Variants in BACH2 observed in about 807,000 individuals in gnomAD.
BACH2 encodes the protein BACH transcriptional regulator 2, also known as transcription regulator protein BACH2.
Under a neutral mutation model 61.8 loss-of-function variants are expected in BACH2, and 5 were observed. That is an observed-to-expected ratio of 0.08 (90% CI 0.04 to 0.17). The LOEUF is 0.17. Among genes scored for constraint, BACH2 ranks in the 10% least tolerant of loss-of-function variants. The pLI, the probability that BACH2 is intolerant of heterozygous loss-of-function variation, is 1.00. For synonymous variants in BACH2, 446 were observed against 440.1 expected (o/e 1.01, Z -0.17); for missense variants, 824 against 1,091.1 (o/e 0.76, Z 3.45).
Position 90,251,480 on chromosome 6 carries a change from C to A in BACH2, c.-275+1033G>T, listed in dbSNP as rs1013416144. 1.5e-5 allele frequency among the ~76,000 whole-genome samples: 2 copies of A among 134,362 alleles called. 1 individual carries two copies. The highest frequency in any genetic ancestry group is 3.5e-5 in the Non-Finnish European group (2 of 56,520). 88.1% of individuals were successfully genotyped at this position (134,362 alleles called of 152,430 possible). On this transcript the variant is annotated intron_variant, in intron 3 of 8. Coordinates refer to ENST00000257749, the MANE Select transcript of BACH2 (RefSeq NM_021813.4). ...ATGATATAGAAACATTTAAAAATAG[C>A]CACTCAGTACTCTGAAAACCATTAG...
Position 90,129,932 on chromosome 6 carries a change from C to T in BACH2, c.-161-40823G>A, listed in dbSNP as rs370484199. 3.9e-5 allele frequency among the ~76,000 whole-genome samples: 6 copies of T among 152,126 alleles called. No individual in the cohort carries two copies. The East Asian group carries it at 5.8e-4, about 15-fold the overall frequency. The stretch of plus-strand genomic sequence containing the variant: ...TCACCCAGTCTGGAATGCAGTGGCG[C>T]GATCTCAGCTCACTGCAACCTCCAC... On this transcript the variant is annotated intron_variant, in intron 4 of 8. Coordinates refer to ENST00000257749, the MANE Select transcript of BACH2 (RefSeq NM_021813.4).
At chr6:90,116,598 C>G (rs1783410742) in intron 4 of BACH2, 1 of 210,316 alleles carries the variant, frequency 4.8e-6, no homozygotes, top group African/African-American at 2.4e-5. Context: ...TCACATTTAC[C>G]CCCAAACCTA....
intron 8 of BACH2, among the ~76,000 whole-genome samples, chr6:89,934,626 T>C (rs1274473546): frequency 6.6e-6 from 1 of 151,722 alleles, no homozygotes; most frequent in Non-Finnish European, 1.5e-5. Flanking sequence ...ACCACTGCAC[T>C]CCAGTCTGGG....
chr6:90,255,343 T>C (rs548881880), intron 2 of BACH2, among the ~76,000 whole-genome samples: 1 of 152,306 alleles, frequency 6.6e-6, no homozygotes, highest in South Asian at 2.1e-4. Flanking sequence ...AAGTAAGTAC[T>C]AGGAAGTCAC....
intron 4 of BACH2, among the ~76,000 whole-genome samples, chr6:90,143,057 A>G (rs1171534120): frequency 6.6e-6 from 1 of 152,206 alleles, no homozygotes; most frequent in Non-Finnish European, 1.5e-5. Flanking sequence ...TCATTTATCC[A>G]CTATCCTCCA....
intron 5 of BACH2, among the ~76,000 whole-genome samples, chr6:90,028,775 G>A (rs1415712399): frequency 1.3e-5 from 2 of 152,216 alleles, no homozygotes; most frequent in African/African-American, 4.8e-5. Context: ...AGGCTCTGGT[G>A]CCAGCCTACC....
intron 5 of BACH2, among the ~76,000 whole-genome samples, chr6:90,040,863 C>A (rs892283721): frequency 2.0e-5 from 3 of 151,948 alleles, no homozygotes; most frequent in African/African-American, 7.3e-5. Flanking sequence ...TCCATTATAT[C>A]TTCTAATCAG....
intron 4 of BACH2, among the ~76,000 whole-genome samples, chr6:90,161,770 G>A (rs1785199776): frequency 6.6e-6 from 1 of 151,990 alleles, no homozygotes. Flanking sequence ...AACAGACAAC[G>A]GCCAGTGGCC....
In BACH2 at chr6:89,938,244, T is replaced by A. The variant is rs141058551; in HGVS notation, c.1943A>T (p.His648Leu). ...KLTSEQLEFI[H>L]DVRRRSKNRI... is the part of the protein sequence containing the mutation. ...GTTCTTGCTGCGCCGTCGGACATCATGAATAAACTCTAACTGTTCTGAGGT... is the reference window on the plus strand; with the variant it reads ...GTTCTTGCTGCGCCGTCGGACATCAAGAATAAACTCTAACTGTTCTGAGGT... The change falls in exon 8 of 9, where the codon CAT becomes CTT. Residue 648 changes from histidine to leucine, a missense_variant. Transcript: ENST00000257749. 6.2e-7 allele frequency: 1 copy of A among 1,614,142 alleles called. No individual in the cohort carries two copies. Among genetic ancestry groups the A allele is most frequent in the Non-Finnish European group, 8.5e-7 (1 of 1,180,048 alleles).
At chr6:90,082,684 TCTG>T (rs924713389) in intron 5 of BACH2, among the ~76,000 whole-genome samples, 4 of 152,244 alleles carry the variant, frequency 2.6e-5, no homozygotes, top group African/African-American at 9.6e-5. Context: ...TATTCAATTT[TCTG>T]CTATTTTATA....
At chr6:90,194,473 A>C (rs1768686376) in intron 4 of BACH2, among the ~76,000 whole-genome samples, 1 of 152,172 alleles carries the variant, frequency 6.6e-6, no homozygotes, top group South Asian at 2.1e-4. Context: ...CTGAGCTCAG[A>C]GCTCAATTTA....
intron 5 of BACH2, among the ~76,000 whole-genome samples, chr6:90,017,959 C>T (rs959350841): frequency 3.9e-5 from 6 of 152,132 alleles, no homozygotes; most frequent in African/African-American, 1.4e-4. Context: ...AGTTGAGTTA[C>T]CTGGAAGCAG....
At position 89,951,884 on chromosome 6, in the gene BACH2, C is replaced by T. The variant is rs762261589; in HGVS notation, c.244-22G>A. On this transcript the variant is annotated intron_variant, in intron 6 of 8. Transcript: ENST00000257749. The surrounding 1 kb of genome is among the most constrained non-coding windows in gnomAD (Gnocchi z 6.4). Reference sequence around the variant, plus strand: ...TGACCTGCAAAACAAACAGGGAAATCGCCAACATTACCATCAGCACTGCTA... The same window carrying T: ...TGACCTGCAAAACAAACAGGGAAATTGCCAACATTACCATCAGCACTGCTA... 9.4e-6 allele frequency: 15 copies of T among 1,600,184 alleles called. No individual in the cohort carries two copies. The highest frequency in any genetic ancestry group is 2.2e-5 in the South Asian group (2 of 89,386).
chr6:90,219,300 G>A (rs1582500199), intron 3 of BACH2, among the ~76,000 whole-genome samples: 2 of 152,300 alleles, frequency 1.3e-5, no homozygotes, highest in South Asian at 2.1e-4. Context: ...CAAAGCCCTG[G>A]CTCTGAAAGC....
chr6:90,294,959 A>G (rs138845077), intron 1 of BACH2, among the ~76,000 whole-genome samples: 1 of 152,384 alleles, frequency 6.6e-6, no homozygotes, highest in Non-Finnish European at 1.5e-5. Context: ...GGTTCCCACT[A>G]GGCAGGAAAG....
At chr6:90,052,477 T>A (rs1376449699) in intron 5 of BACH2, among the ~76,000 whole-genome samples, 2 of 152,198 alleles carry the variant, frequency 1.3e-5, no homozygotes, top group East Asian at 3.8e-4. Context: ...TGGAGTTCAG[T>A]GGCATGATCT....
rs1384440239 is a variant in BACH2 at position 89,929,430 on chromosome 6, A to G, written c.*2978T>C. On this transcript the variant is annotated 3_prime_UTR_variant, in exon 9 of 9. Coordinates refer to ENST00000257749, the MANE Select transcript of BACH2 (RefSeq NM_021813.4). ...ACCCAGAAATAATTTTGACAAGCAC[A>G]TAGTTCTGAATAGGAAAAGACACAC... is the stretch of plus-strand genomic sequence containing the variant. 1 of 152,356 alleles carries G rather than the reference A, an allele frequency of 6.6e-6. No homozygotes were observed. The highest frequency in any genetic ancestry group is 1.5e-5 in the Non-Finnish European group (1 of 68,034). The allele number at this position is 152,356 out of a possible 1,614,324, so 9.4% of individuals were successfully genotyped here. A position where few individuals can be genotyped will look rare whatever the true frequency, so the allele number is the denominator to read the frequency against.
At chr6:90,013,378 G>A (rs1777827958) in intron 5 of BACH2, among the ~76,000 whole-genome samples, 1 of 152,064 alleles carries the variant, frequency 6.6e-6, no homozygotes, top group South Asian at 2.1e-4. Flanking sequence ...TCACCATTTT[G>A]TATGACGTTA....
chr6:89,936,696 G>A (rs1009741617), intron 8 of BACH2, among the ~76,000 whole-genome samples: 5 of 151,816 alleles, frequency 3.3e-5, no homozygotes, highest in Admixed American at 1.3e-4. Context: ...GGTGGTGAGT[G>A]TCAAAGAAAC....
Sources: allele counts gnomAD v4.1 joint callset (sites outside exome capture counted in the v4.1 genomes callset), GRCh38; gene constraint gnomAD v4.1.1; non-coding constraint Gnocchi (gnomAD v3.1); transcripts MANE v1.5; gene names NCBI Gene and HGNC (gene_info 2026-07-23, HGNC 2026-07-21).